Variants in BICC1 observed in about 807,000 individuals in gnomAD.
BICC1 encodes the protein protein bicaudal C homolog 1.
BICC1 carries 43 observed loss-of-function variants against 111.0 expected under a neutral mutation model. That is an observed-to-expected ratio of 0.39 (90% CI 0.30 to 0.50). BICC1 has a LOEUF of 0.50. Among genes scored for constraint, BICC1 ranks in the 20% least tolerant of loss-of-function variants. The pLI is 0.88. For synonymous variants in BICC1, 467 were observed against 434.4 expected (o/e 1.07, Z -0.93); for missense variants, 1,091 against 1,203.2 (o/e 0.91, Z 1.38).
rs368118191 is a variant in BICC1 at position 58,715,659 on chromosome 10, T to C, written c.307+13516T>C. 181 of 1,603,070 alleles carry C rather than the reference T, an allele frequency of 1.1e-4. 1 individual carries two copies. The African/African-American group carries it at 1.8e-3, about 16-fold the overall frequency. On this transcript the variant is annotated intron_variant, in intron 3 of 20. Transcript: ENST00000373886. ...GCCAACAATACAGGATTATCTGAAT[T>C]GACCAAGGCCTACCTGGGAAGAAGT...
chr10:58,771,222 T>A (rs936927122), intron 3 of BICC1, among the ~76,000 whole-genome samples: 10 of 151,780 alleles, frequency 6.6e-5, no homozygotes, highest in African/African-American at 2.4e-4. Flanking sequence ...TGTGCCAGAG[T>A]CTGAAGGGCT....
intron 1 of BICC1, among the ~76,000 whole-genome samples, chr10:58,563,242 G>A (rs760301943): frequency 2.0e-5 from 3 of 152,108 alleles, no homozygotes; most frequent in African/African-American, 4.8e-5. Context: ...GCTCTGTGCC[G>A]CAGCAGCCTG....
intron 2 of BICC1, among the ~76,000 whole-genome samples, chr10:58,685,078 C>T (rs1839672194): frequency 6.6e-6 from 1 of 152,158 alleles, no homozygotes; most frequent in Admixed American, 6.5e-5. Context: ...TGTCTTTGTT[C>T]TCATTGGTTT....
chr10:58,636,348 C>T (rs893051569), intron 2 of BICC1, among the ~76,000 whole-genome samples: 3 of 152,134 alleles, frequency 2.0e-5, no homozygotes, highest in Non-Finnish European at 2.9e-5. Context: ...AATTAAATTT[C>T]GTATTTGTCT....
At chr10:58,739,062 T>C (rs9415579) in intron 3 of BICC1, among the ~76,000 whole-genome samples, 145,809 of 152,024 alleles carry the variant, frequency 0.96, 70,269 homozygotes, top group Middle Eastern at 1. Flanking sequence ...TTTTCCTAAT[T>C]GAATACCCTT....
chr10:58,689,028 T>TAAC (rs780510613), intron 2 of BICC1, among the ~76,000 whole-genome samples: 6 of 152,016 alleles, frequency 3.9e-5, no homozygotes, highest in Non-Finnish European at 7.4e-5. Context: ...TAAAGTATAA[T>TAAC]AACAACAACA....
intron 1 of BICC1, among the ~76,000 whole-genome samples, chr10:58,561,518 T>C (rs1469725012): frequency 6.6e-6 from 1 of 152,052 alleles, no homozygotes; most frequent in Non-Finnish European, 1.5e-5. Context: ...CAACTCTATA[T>C]CTTTTATTGG....
At chr10:58,698,851 T>A (rs1840143679) in intron 2 of BICC1, among the ~76,000 whole-genome samples, 2 of 152,206 alleles carry the variant, frequency 1.3e-5, no homozygotes, top group East Asian at 3.9e-4. Context: ...AGTTAAGTAA[T>A]TCGCTCAACA....
chr10:58,796,358 G>A lies in BICC1; in HGVS notation c.1198G>A (p.Val400Ile). The A allele has an allele frequency of 3.1e-6, 5 of 1,613,728 alleles. No homozygotes were observed. The highest frequency in any genetic ancestry group is 4.2e-6 in the Non-Finnish European group (5 of 1,179,854). ...QPSKSVIVKSVERNALNMYEA... is the reference protein window; with the variant it reads ...QPSKSVIVKSIERNALNMYEA... ...TTCATAGTCTGTGATTGTGAAAAGT[G>A]TTGAGCGAAATGCCTTAAATATGTA... is the stretch of plus-strand genomic sequence containing the variant. Residue 400 changes from valine to isoleucine, a missense_variant, in exon 10 of 21, where the codon GTT becomes ATT. Physicochemically the swap from Val to Ile is conservative, Grantham distance 29. Coordinates refer to ENST00000373886, the MANE Select transcript of BICC1 (RefSeq NM_001080512.3).
chr10:58,738,169 T>G (rs1243232237), intron 3 of BICC1, among the ~76,000 whole-genome samples: 1 of 152,220 alleles, frequency 6.6e-6, no homozygotes, highest in Non-Finnish European at 1.5e-5. Flanking sequence ...TGACCATGCC[T>G]GTGTCCTGAA....
chr10:58,568,220 T>A (rs535008911), intron 1 of BICC1, among the ~76,000 whole-genome samples: 1 of 152,288 alleles, frequency 6.6e-6, no homozygotes, highest in South Asian at 2.1e-4. Flanking sequence ...TTAAGTGCTC[T>A]CTACAGGTTA....
intron 2 of BICC1, among the ~76,000 whole-genome samples, chr10:58,660,940 AT>A (rs1280759171): frequency 6.6e-6 from 1 of 152,200 alleles, no homozygotes; most frequent in African/African-American, 2.4e-5. Flanking sequence ...AGAAAAGTAT[AT>A]TTTTATCAGC....
At chr10:58,570,618 C>T (rs545605192) in intron 1 of BICC1, among the ~76,000 whole-genome samples, 89 of 152,246 alleles carry the variant, frequency 5.8e-4, no homozygotes, top group Admixed American at 5.9e-4. Context: ...CTTACTTTGG[C>T]TTTGTATGTT....
intron 17 of BICC1, among the ~76,000 whole-genome samples, chr10:58,811,267 C>T (rs1439145829): frequency 6.6e-6 from 1 of 152,108 alleles, no homozygotes; most frequent in Non-Finnish European, 1.5e-5. Context: ...CTTTTTGCCA[C>T]CCATCTCTTA....
Position 58,777,243 on chromosome 10 carries a change from A to G in BICC1, c.308-7758A>G, listed in dbSNP as rs113911188. On this transcript the variant is annotated intron_variant, in intron 3 of 20. Transcript: ENST00000373886. Reference sequence around the variant, plus strand: ...ATTAAGTAAACAGCTTTGATAAGTCACAGTGGAATCTTAACACAAACTGGC... The same window carrying G: ...ATTAAGTAAACAGCTTTGATAAGTCGCAGTGGAATCTTAACACAAACTGGC... Among the ~76,000 whole-genome samples, 381 of 152,154 alleles carry G rather than the reference A, an allele frequency of 2.5e-3. 1 individual carries two copies. The highest frequency in any genetic ancestry group is 8.7e-3 in the African/African-American group (363 of 41,494).
At chr10:58,715,703 G>T (rs1020210072) in intron 3 of BICC1, 1 of 1,583,716 alleles carries the variant, frequency 6.3e-7, no homozygotes, top group African/African-American at 1.3e-5. Context: ...AACTAGAAAA[G>T]AAAAAGAAAG....
At chr10:58,788,553 T>C (rs1447925289) in intron 6 of BICC1, 130 bp downstream of exon 6, 1 of 587,118 alleles carries the variant, frequency 1.7e-6, no homozygotes, top group African/African-American at 1.9e-5. Flanking sequence ...TGGCAAAAGT[T>C]ATTTTAGTGT....
rs191596825 is a variant in BICC1, at chr10:58,722,490, C to T, written c.307+20347C>T. ...TATAATCACTTTACAGTATTCTCAT[C>T]AATCACATGAATTAAGTAATAAAAT... On this transcript the variant is annotated intron_variant, in intron 3 of 20. Transcript: ENST00000373886. Among the ~76,000 whole-genome samples the T allele has an allele frequency of 9.7e-4, 147 of 152,254 alleles. 1 individual carries two copies. Among genetic ancestry groups the T allele is most frequent in the African/African-American group, 3.5e-3 (145 of 41,548 alleles).
At chr10:58,738,613 A>G (rs1841552598) in intron 3 of BICC1, among the ~76,000 whole-genome samples, 1 of 145,710 alleles carries the variant, frequency 6.9e-6, no homozygotes, top group Non-Finnish European at 1.5e-5. Flanking sequence ...AGTTTTTTCC[A>G]ATTCTGTGAA....
Sources: allele counts gnomAD v4.1 joint callset (sites outside exome capture counted in the v4.1 genomes callset), GRCh38; gene constraint gnomAD v4.1.1; transcripts MANE v1.5; gene names NCBI Gene and HGNC (gene_info 2026-07-23, HGNC 2026-07-21).